ACSS3: variants seen among roughly 807,000 people sequenced by gnomAD.
ACSS3 encodes acyl-CoA synthetase short chain family member 3, also known as acyl-CoA synthetase short-chain family member 3, mitochondrial.
A neutral mutation model predicts 84.2 loss-of-function variants in ACSS3; 64 were observed. That is an observed-to-expected ratio of 0.76 (90% CI 0.62 to 0.94). The LOEUF (loss-of-function observed/expected upper bound fraction) is 0.94, where lower values mean the gene tolerates loss of function less well. Among genes scored for constraint, ACSS3 ranks in the 40% least tolerant of loss-of-function variants. ACSS3 has a pLI of 0.00. For missense variants in ACSS3, 815 were observed against 867.6 expected (o/e 0.94, Z 0.76); for synonymous variants, 317 against 310.1 (o/e 1.02, Z -0.23).
chr12:81,232,856 G>T (rs1269707296), intron 12 of ACSS3, among the ~76,000 whole-genome samples: 1 of 151,414 alleles, frequency 6.6e-6, no homozygotes, highest in Admixed American at 6.6e-5. Context: ...TTTACTTTGA[G>T]TGACTAAAAA....
At chr12:81,194,192 A>G (rs1033921405) in intron 8 of ACSS3, among the ~76,000 whole-genome samples, 1 of 151,756 alleles carries the variant, frequency 6.6e-6, no homozygotes, top group African/African-American at 2.4e-5. Context: ...ATCATGTTTA[A>G]AAAAGGGCAA....
intron 9 of ACSS3, among the ~76,000 whole-genome samples, chr12:81,210,172 C>T (rs1013589702): frequency 6.6e-6 from 1 of 152,232 alleles, no homozygotes; most frequent in Non-Finnish European, 1.5e-5. Flanking sequence ...GTTTGAATGC[C>T]TCTGACATAT....
chr12:81,134,778 A>G (rs753892494), intron 2 of ACSS3, 38 bp from the exon 3 acceptor site: 4 of 1,427,820 alleles, frequency 2.8e-6, no homozygotes, highest in Non-Finnish European at 3.7e-6. Flanking sequence ...GTGAAATAAT[A>G]CAAAATACAC....
rs112190022 is a variant in ACSS3, at chr12:81,240,554, A to G, written c.1719+7083A>G. Among the ~76,000 whole-genome samples the G allele has an allele frequency of 9.1e-3, 1,389 of 152,206 alleles. 10 individuals carry two copies. The highest frequency in any genetic ancestry group is 0.014 in the Middle Eastern group (4 of 294). Reference sequence around the variant, plus strand: ...TCATTGATATTAAGTGATCATTAATATAACTGAATTAACATTTACCAGATT... The same window carrying G: ...TCATTGATATTAAGTGATCATTAATGTAACTGAATTAACATTTACCAGATT... On this transcript the variant is annotated intron_variant, in intron 13 of 15. Transcript: ENST00000548058.
At chr12:81,178,908 A>G (rs952277120) in intron 8 of ACSS3, among the ~76,000 whole-genome samples, 1 of 152,204 alleles carries the variant, frequency 6.6e-6, no homozygotes, top group African/African-American at 2.4e-5. Flanking sequence ...TTACAAGGCT[A>G]CATTAACTAA....
At chr12:81,120,630 A>T (rs1296105550) in intron 2 of ACSS3, among the ~76,000 whole-genome samples, 3 of 152,182 alleles carry the variant, frequency 2.0e-5, no homozygotes, top group Non-Finnish European at 4.4e-5. Context: ...TGAAATAGAT[A>T]AATACATAGC....
At chr12:81,229,118 AC>A (rs149386013) in intron 11 of ACSS3, among the ~76,000 whole-genome samples, 2,991 of 151,836 alleles carry the variant, frequency 0.02, 104 homozygotes, top group African/African-American at 0.068. Flanking sequence ...TATCACAGAT[AC>A]CTCTTCTTTT....
intron 11 of ACSS3, among the ~76,000 whole-genome samples, chr12:81,222,871 G>C (rs1321883272): frequency 2.6e-5 from 4 of 151,982 alleles, no homozygotes; most frequent in Admixed American, 2.0e-4. Flanking sequence ...CTTTCTAGTA[G>C]AAGTGAGAAC....
At chr12:81,162,725 G>A (rs1019274608) in intron 7 of ACSS3, among the ~76,000 whole-genome samples, 19 of 152,072 alleles carry the variant, frequency 1.2e-4, no homozygotes, top group African/African-American at 4.6e-4. Flanking sequence ...ATGCTGAGGG[G>A]CACCTGCAGG....
intron 8 of ACSS3, among the ~76,000 whole-genome samples, chr12:81,188,290 C>T (rs2031382786): frequency 1.3e-5 from 2 of 151,762 alleles, no homozygotes; most frequent in South Asian, 4.2e-4. Flanking sequence ...AAGTTTATGT[C>T]ATTACTTTAA....
In ACSS3 at chr12:81,233,617, C is replaced by T. The variant is rs796972024; in HGVS notation, c.1719+146C>T. 5.8e-5 allele frequency: 59 copies of T among 1,019,922 alleles called. No homozygotes were observed. In the African/African-American group the frequency reaches 9.0e-4, roughly 16 times the overall value. The allele number at this position is 1,019,922 out of a possible 1,614,324, so 63.2% of individuals were successfully genotyped here. Reference sequence around the variant, plus strand: ...GGTTACTCTTACATCTCTCCCACCTCACTTTCTCTTTTAGATATTCATATT... The same window carrying T: ...GGTTACTCTTACATCTCTCCCACCTTACTTTCTCTTTTAGATATTCATATT... On this transcript the variant is annotated intron_variant, in intron 13 of 15. Transcript: ENST00000548058.
At chr12:81,080,676 A>G (rs976841997) in intron 1 of ACSS3, among the ~76,000 whole-genome samples, 19 of 152,164 alleles carry the variant, frequency 1.2e-4, no homozygotes, top group African/African-American at 4.6e-4. Context: ...ACCTAAATGA[A>G]GATAGTCCTG....
At position 81,258,331 on chromosome 12, in the gene ACSS3, C is replaced by G. The variant is rs966974757; in HGVS notation, c.*3409C>G. 7 of 152,184 alleles carry G rather than the reference C, an allele frequency of 4.6e-5. No individual in the cohort carries two copies. In the South Asian group the frequency reaches 1.2e-3, roughly 27 times the overall value. The allele number at this position is 152,184 out of a possible 1,614,324, so 9.4% of individuals were successfully genotyped here. A position where few individuals can be genotyped will look rare whatever the true frequency, so the allele number is the denominator to read the frequency against. On this transcript the variant is annotated 3_prime_UTR_variant, in exon 16 of 16. Coordinates refer to ENST00000548058, the MANE Select transcript of ACSS3 (RefSeq NM_024560.4). ...TGTTATCATTACCTTTTGACTGAAT[C>G]TGTTAAATAAAAATAGACATCAAAA...
intron 1 of ACSS3, among the ~76,000 whole-genome samples, chr12:81,093,401 C>T (rs541924819): frequency 2.9e-4 from 44 of 151,060 alleles, no homozygotes; most frequent in Non-Finnish European, 5.2e-4. Context: ...TGCAGTGAGC[C>T]GAGACTGCAC....
chr12:81,137,006 A>G (rs549510451), intron 3 of ACSS3, among the ~76,000 whole-genome samples: 1 of 152,242 alleles, frequency 6.6e-6, no homozygotes, highest in South Asian at 2.1e-4. Context: ...AAGAAAGCTA[A>G]TATATACTGA....
chr12:81,119,647 G>A (rs369348547), intron 2 of ACSS3, among the ~76,000 whole-genome samples: 50 of 152,110 alleles, frequency 3.3e-4, no homozygotes, highest in African/African-American at 1.1e-3. Context: ...CTACTTGCAC[G>A]TCCATTTATA....
At chr12:81,087,649 C>A (rs1881406765) in intron 1 of ACSS3, among the ~76,000 whole-genome samples, 1 of 152,078 alleles carries the variant, frequency 6.6e-6, no homozygotes, top group African/African-American at 2.4e-5. Context: ...TTTGCATTCT[C>A]TCCATACATT....
intron 1 of ACSS3, among the ~76,000 whole-genome samples, chr12:81,096,928 C>T (rs1023247858): frequency 2.0e-5 from 3 of 152,076 alleles, no homozygotes; most frequent in African/African-American, 7.2e-5. Flanking sequence ...CTGCAGTGAA[C>T]ATATGTGTAC....
intron 11 of ACSS3, among the ~76,000 whole-genome samples, chr12:81,225,276 T>G (rs1449618364): frequency 6.6e-6 from 1 of 152,052 alleles, no homozygotes; most frequent in African/African-American, 2.4e-5. Flanking sequence ...CCTTTATGAG[T>G]CTTTCTTTAG....
Sources: allele counts gnomAD v4.1 joint callset (sites outside exome capture counted in the v4.1 genomes callset), GRCh38; gene constraint gnomAD v4.1.1; transcripts MANE v1.5; gene names NCBI Gene and HGNC (gene_info 2026-07-23, HGNC 2026-07-21).